Variants in LARGE1 observed in about 807,000 individuals in gnomAD.
LARGE1 encodes xylosyl- and glucuronyltransferase LARGE1.
Under a neutral mutation model 87.6 loss-of-function variants are expected in LARGE1, and 43 were observed. That is an observed-to-expected ratio of 0.49 (90% confidence interval 0.38 to 0.63). The LOEUF (loss-of-function observed/expected upper bound fraction) is 0.63, where lower values mean the gene tolerates loss of function less well. Among genes scored for constraint, LARGE1 ranks in the 30% least tolerant of loss-of-function variants. LARGE1 has a pLI of 0.00. For synonymous variants in LARGE1, 434 were observed against 394.6 expected (o/e 1.10, Z -1.18); for missense variants, 802 against 1,000.2 (o/e 0.80, Z 2.67).
chr22:33,450,681 C>A (rs1048824661), intron 6 of LARGE1, among the ~76,000 whole-genome samples: 30 of 151,896 alleles, frequency 2.0e-4, no homozygotes, highest in African/African-American at 5.8e-4. Context: ...TGGAAAAAAA[C>A]CTTAATACTC....
At chr22:33,745,571 T>G (rs1170396781) in intron 2 of LARGE1, among the ~76,000 whole-genome samples, 1 of 152,080 alleles carries the variant, frequency 6.6e-6, no homozygotes, top group Admixed American at 6.6e-5. Context: ...TGCGCTCAAG[T>G]GAGCTAAGTG....
At chr22:33,885,122 A>T (rs2146787793) in intron 1 of LARGE1, among the ~76,000 whole-genome samples, 1 of 152,356 alleles carries the variant, frequency 6.6e-6, no homozygotes, top group East Asian at 1.9e-4. Context: ...CTCATCGGCT[A>T]AATAATCCAC....
At chr22:33,449,138 G>A (rs994424979) in intron 6 of LARGE1, among the ~76,000 whole-genome samples, 3 of 152,104 alleles carry the variant, frequency 2.0e-5, no homozygotes, top group Non-Finnish European at 4.4e-5. Context: ...ACCATAATTT[G>A]AGTGGAATCA....
intron 2 of LARGE1, among the ~76,000 whole-genome samples, chr22:33,706,884 G>A (rs1229074821): frequency 1.3e-5 from 2 of 152,170 alleles, no homozygotes; most frequent in African/African-American, 4.8e-5. Flanking sequence ...CCTGACTTTA[G>A]TCCAGTGAGA....
chr22:33,777,582 G>A (rs986734316), intron 1 of LARGE1, among the ~76,000 whole-genome samples: 1 of 148,532 alleles, frequency 6.7e-6, no homozygotes, highest in African/African-American at 2.5e-5. Context: ...GGTCAAGGCT[G>A]CAGTGAGCCA....
At chr22:33,556,572 C>G (rs192674048) in intron 6 of LARGE1, among the ~76,000 whole-genome samples, 7,515 of 45,894 alleles carry the variant, frequency 0.16, 1,469 homozygotes, top group African/African-American at 0.41. Context: ...GGGAGGCAGG[C>G]AGGCAGGCAG....
intron 6 of LARGE1, among the ~76,000 whole-genome samples, chr22:33,477,329 A>G (rs1029646933): frequency 3.3e-5 from 5 of 152,228 alleles, no homozygotes; most frequent in African/African-American, 1.2e-4. Flanking sequence ...GAATTTTTCA[A>G]TCTCTAAAGA....
At chr22:33,813,316 T>C (rs916790217) in intron 1 of LARGE1, among the ~76,000 whole-genome samples, 4 of 151,604 alleles carry the variant, frequency 2.6e-5, no homozygotes. Context: ...GGCAAGACTG[T>C]CAAGCCCTAG....
chr22:33,535,918 T>C (rs1364435894), intron 6 of LARGE1, among the ~76,000 whole-genome samples: 1 of 152,254 alleles, frequency 6.6e-6, no homozygotes, highest in Non-Finnish European at 1.5e-5. Flanking sequence ...CGCCTTCTTT[T>C]ATTCCTTTCC....
At chr22:33,431,872 G>T (rs1187823908) in intron 7 of LARGE1, among the ~76,000 whole-genome samples, 1 of 152,188 alleles carries the variant, frequency 6.6e-6, no homozygotes, top group African/African-American at 2.4e-5. Flanking sequence ...CAGAGCCAGG[G>T]AACCTATGGG....
intron 7 of LARGE1, among the ~76,000 whole-genome samples, chr22:33,407,988 T>C (rs1601734448): frequency 6.6e-6 from 1 of 151,910 alleles, no homozygotes; most frequent in Non-Finnish European, 1.5e-5. Context: ...AAACTTTTTT[T>C]TTTTTTTTTT....
rs5994742 is a variant in LARGE1 at position 33,427,255 on chromosome 22, G to A, written c.892+4906C>T. Among the ~76,000 whole-genome samples, 220 of 152,314 alleles carry A rather than the reference G, an allele frequency of 1.4e-3. 1 individual carries two copies. Among genetic ancestry groups the A allele is most frequent in the African/African-American group, 5.0e-3 (208 of 41,562 alleles). On this transcript the variant is annotated intron_variant, in intron 7 of 14. Coordinates refer to ENST00000397394, the MANE Select transcript of LARGE1 (RefSeq NM_133642.5). ...GTTTCTGTGCAAGACTGTGAAAGAC[G>A]CCTGTAATTTCACCCGAACAGTTAT...
chr22:33,282,643 T>G (rs7285350), intron 13 of LARGE1, among the ~76,000 whole-genome samples: 19,498 of 152,222 alleles, frequency 0.13, 1,946 homozygotes, highest in African/African-American at 0.28. Context: ...TGTTTGCGAC[T>G]GTCACTTGGG....
the LARGE1 span, among the ~76,000 whole-genome samples, chr22:33,138,267 A>G: frequency 2.0e-4 from 31 of 152,020 alleles, no homozygotes; most frequent in African/African-American, 7.5e-4. Context: ...TCGGACTTAT[A>G]TGGGGCCCGT....
chr22:33,345,866 T>C (rs891779785), intron 9 of LARGE1, among the ~76,000 whole-genome samples: 1 of 152,052 alleles, frequency 6.6e-6, no homozygotes, highest in Non-Finnish European at 1.5e-5. Context: ...CCCCAGAGGG[T>C]TCATAAAAGT....
chr22:33,886,763 AAAAATT>A (rs1381851972), intron 1 of LARGE1, among the ~76,000 whole-genome samples: 2 of 152,054 alleles, frequency 1.3e-5, no homozygotes, highest in Non-Finnish European at 2.9e-5. Context: ...ATTAAAATTA[AAAAATT>A]ATTTTTATAG....
intron 7 of LARGE1, among the ~76,000 whole-genome samples, chr22:33,405,226 C>A (rs1050960244): frequency 6.6e-6 from 1 of 152,204 alleles, no homozygotes; most frequent in African/African-American, 2.4e-5. Context: ...CAGTGTGTTA[C>A]AGAACAAAAT....
intron 6 of LARGE1, among the ~76,000 whole-genome samples, chr22:33,544,893 C>T (rs2077312435): frequency 6.6e-6 from 1 of 152,104 alleles, no homozygotes. Flanking sequence ...GGGATGAGAT[C>T]AACACCCCTC....
intron 6 of LARGE1, among the ~76,000 whole-genome samples, chr22:33,524,100 G>A (rs182068883): frequency 2.2e-4 from 34 of 152,144 alleles, no homozygotes; most frequent in African/African-American, 8.2e-4. Context: ...AGATCAGCCT[G>A]ACTGACACGG....
Sources: gnomAD v4.1 joint callset for allele counts (sites outside exome capture counted in the v4.1 genomes callset) on GRCh38, gnomAD v4.1.1 for gene constraint, MANE v1.5 for transcripts, NCBI Gene and HGNC (gene_info 2026-07-23, HGNC 2026-07-21) for gene names.